Variants in SIK2 observed in about 807,000 individuals in gnomAD.
SIK2 encodes serine/threonine-protein kinase SIK2.
Under a neutral mutation model 103.2 loss-of-function variants are expected in SIK2, and 29 were observed. The ratio of observed to expected loss-of-function variants is 0.28; its 90% CI spans 0.21 to 0.38. The LOEUF (loss-of-function observed/expected upper bound fraction) is 0.38. SIK2 is among the 10% of genes least tolerant of loss of function. The probability of loss-of-function intolerance (pLI) is 1.00; values close to 1 mark genes in which losing one functional copy is unlikely to be tolerated. For missense variants in SIK2, 879 were observed against 1,171.0 expected (o/e 0.75, Z 3.64); for synonymous variants, 412 against 446.1 (o/e 0.92, Z 0.96).
Position 111,712,295 on chromosome 11 carries a change from G to C in SIK2, c.1186G>C (p.Val396Leu), listed in dbSNP as rs142089853. 1 of 1,614,026 alleles carries C rather than the reference G, an allele frequency of 6.2e-7. No homozygotes were observed. Among genetic ancestry groups the C allele is most frequent in the East Asian group, 2.2e-5 (1 of 44,892 alleles). Residue 396 changes from valine to leucine, a missense_variant, in exon 9 of 15, where the codon GTG becomes CTG. Transcript: ENST00000304987. ...TGCCCTCCTCCCCCAGGCATCCAAC[G>C]TGGAGGCCTTTTCATTTCCAGCATC... ...RSALLPQASN[V>L]EAFSFPASGC...
At chr11:111,717,254 T>A (rs1943669253) in intron 9 of SIK2, among the ~76,000 whole-genome samples, 1 of 130,032 alleles carries the variant, frequency 7.7e-6, no homozygotes, top group Non-Finnish European at 1.5e-5. Flanking sequence ...AGGCAGAGCT[T>A]GCAGTGAGCT....
intron 3 of SIK2, among the ~76,000 whole-genome samples, chr11:111,667,317 A>G (rs1313272130): frequency 6.6e-6 from 1 of 152,106 alleles, no homozygotes; most frequent in Non-Finnish European, 1.5e-5. Context: ...TTGCAGTGCC[A>G]GAAATGAATA....
intron 7 of SIK2, 57 bp downstream of exon 7, chr11:111,703,480 C>T (rs1943265097): frequency 2.0e-6 from 3 of 1,488,006 alleles, no homozygotes; most frequent in Admixed American, 3.4e-5. Flanking sequence ...AAATTTCATG[C>T]TCACACCTGT....
chr11:111,695,102 A>G (rs1387945004), intron 4 of SIK2, among the ~76,000 whole-genome samples: 2 of 152,174 alleles, frequency 1.3e-5, no homozygotes, highest in African/African-American at 4.8e-5. Flanking sequence ...CTTCATCTCT[A>G]TCACTCTCCA....
At chr11:111,664,979 C>G (rs1406341671) in intron 3 of SIK2, among the ~76,000 whole-genome samples, 2 of 152,078 alleles carry the variant, frequency 1.3e-5, no homozygotes, top group Non-Finnish European at 2.9e-5. Context: ...TACAGTGGCT[C>G]TAAGCTAACC....
chr11:111,610,962 A>G (rs1941715875), intron 1 of SIK2, among the ~76,000 whole-genome samples: 1 of 152,134 alleles, frequency 6.6e-6, no homozygotes, highest in African/African-American at 2.4e-5. Context: ...ATGTACACAT[A>G]AGGCTGGGTG....
At chr11:111,619,636 C>T (rs1423254310) in intron 2 of SIK2, among the ~76,000 whole-genome samples, 2 of 152,168 alleles carry the variant, frequency 1.3e-5, no homozygotes, top group African/African-American at 2.4e-5. Flanking sequence ...TGAGCCACCA[C>T]ACCCAGCCTC....
chr11:111,729,119 G>A lies in SIK2; in HGVS notation c.*4990G>A, dbSNP rs1188523691. 1.3e-5 allele frequency: 2 copies of A among 152,202 alleles called. No individual in the cohort carries two copies. The highest frequency in any genetic ancestry group is 2.1e-4 in the South Asian group (1 of 4,836). 9.4% of individuals were successfully genotyped at this position (152,202 alleles called of 1,614,324 possible). ...CAGTGGAGCCTCTCACCTTCCAGTA[G>A]CCTCTCACATTCTTATTTTACCATT... On this transcript the variant is annotated 3_prime_UTR_variant, in exon 15 of 15. Coordinates refer to ENST00000304987, the MANE Select transcript of SIK2 (RefSeq NM_015191.3).
At chr11:111,710,931 CCTT>C (rs565097594) in intron 8 of SIK2, among the ~76,000 whole-genome samples, 5 of 152,268 alleles carry the variant, frequency 3.3e-5, no homozygotes, top group Middle Eastern at 3.4e-3. Context: ...TACAGGCTGT[CCTT>C]CTGCCTTTCA....
chr11:111,672,293 A>G lies in SIK2; in HGVS notation c.317-15708A>G, dbSNP rs548909221. ...GCTGCTGCTGTTGCCCACCAGGAGAAGCTCAAGGAGCTGATGCAGGCACCA... is the reference window on the plus strand; with the variant it reads ...GCTGCTGCTGTTGCCCACCAGGAGAGGCTCAAGGAGCTGATGCAGGCACCA... On this transcript the variant is annotated intron_variant, in intron 3 of 14. Coordinates refer to ENST00000304987, the MANE Select transcript of SIK2 (RefSeq NM_015191.3). 1.4e-3 allele frequency: 564 copies of G among 409,870 alleles called. 2 individuals carry two copies. The highest frequency in any genetic ancestry group is 2.0e-3 in the Non-Finnish European group (460 of 225,874). The allele number at this position is 409,870 out of a possible 1,614,324, so 25.4% of individuals were successfully genotyped here.
intron 3 of SIK2, among the ~76,000 whole-genome samples, chr11:111,659,979 CA>C (rs2135870415): frequency 6.6e-6 from 1 of 152,288 alleles, no homozygotes; most frequent in Admixed American, 6.5e-5. Flanking sequence ...GTGTCACATC[CA>C]GATATTCAGA....
chr11:111,678,790 C>G (rs1942740082), intron 3 of SIK2, among the ~76,000 whole-genome samples: 1 of 152,108 alleles, frequency 6.6e-6, no homozygotes, highest in South Asian at 2.1e-4. Flanking sequence ...AAAAAAATTG[C>G]TATGTGTGGG....
intron 4 of SIK2, among the ~76,000 whole-genome samples, chr11:111,696,653 A>G (rs1781474475): frequency 6.6e-6 from 1 of 152,186 alleles, no homozygotes; most frequent in Non-Finnish European, 1.5e-5. Context: ...AGAGAGACGA[A>G]TGCCCAAGTG....
At chr11:111,627,636 G>GA (rs751506221) in intron 3 of SIK2, among the ~76,000 whole-genome samples, 6 of 151,546 alleles carry the variant, frequency 4.0e-5, no homozygotes, top group African/African-American at 1.5e-4. Flanking sequence ...GACTTAGATG[G>GA]AAAAAAAACC....
intron 3 of SIK2, among the ~76,000 whole-genome samples, chr11:111,665,429 G>A: frequency 6.6e-6 from 1 of 152,002 alleles, no homozygotes; most frequent in East Asian, 1.9e-4. Context: ...ACTAAACCTT[G>A]AGCTCAGGAG....
chr11:111,721,275 G>A (rs756186765), intron 12 of SIK2, among the ~76,000 whole-genome samples: 11 of 152,170 alleles, frequency 7.2e-5, no homozygotes, highest in Non-Finnish European at 1.5e-4. Context: ...ACCAGATGGA[G>A]GCCTGGACAC....
At chr11:111,712,629 G>A (rs911150781) in intron 9 of SIK2, among the ~76,000 whole-genome samples, 1 of 152,058 alleles carries the variant, frequency 6.6e-6, no homozygotes, top group African/African-American at 2.4e-5. Flanking sequence ...TGTCTTTCTC[G>A]CTCACTAATT....
chr11:111,622,237 A>ATTTTC (rs1941896987), intron 3 of SIK2, among the ~76,000 whole-genome samples: 1 of 100,394 alleles, frequency 1.0e-5, no homozygotes, highest in African/African-American at 4.0e-5. Flanking sequence ...TGTCTGAAGG[A>ATTTTC]TTTTCTTTTC....
chr11:111,720,102 A>G (rs1943757559), intron 10 of SIK2, 99 bp downstream of exon 10: 2 of 1,162,016 alleles, frequency 1.7e-6, no homozygotes, highest in African/African-American at 3.0e-5. Flanking sequence ...CCTAAAATTG[A>G]GTCGATAGCT....
Sources: gnomAD v4.1 joint callset for allele counts (sites outside exome capture counted in the v4.1 genomes callset) on GRCh38, gnomAD v4.1.1 for gene constraint, MANE v1.5 for transcripts, NCBI Gene and HGNC (gene_info 2026-07-23, HGNC 2026-07-21) for gene names.